The following NRG1 variants were observed in gnomAD, a reference collection of about 807,000 sequenced individuals.
NRG1 encodes the protein pro-neuregulin-1, membrane-bound isoform.
A neutral mutation model predicts 63.8 loss-of-function variants in NRG1; 18 were observed. The ratio of observed to expected loss-of-function variants is 0.28; its 90% CI spans 0.19 to 0.42. The LOEUF (loss-of-function observed/expected upper bound fraction) is 0.42, where lower values mean the gene tolerates loss of function less well. NRG1 is among the 10% of genes least tolerant of loss of function. The pLI is 1.00. For missense variants in NRG1, 762 were observed against 814.7 expected (o/e 0.94, Z 0.79); for synonymous variants, 302 against 301.3 (o/e 1.00, Z -0.02).
At chr8:32,375,285 C>G (rs768192531) in intron 1 of NRG1, among the ~76,000 whole-genome samples, 4 of 152,066 alleles carry the variant, frequency 2.6e-5, no homozygotes, top group Non-Finnish European at 4.4e-5. Flanking sequence ...GCCTCATCAG[C>G]ATTTTTAGAC....
chr8:32,359,097 A>G (rs955773144), intron 1 of NRG1, among the ~76,000 whole-genome samples: 3 of 152,112 alleles, frequency 2.0e-5, no homozygotes, highest in Admixed American at 1.3e-4. Context: ...GACAATTACT[A>G]TAATATTTAC....
At chr8:32,438,951 T>G (rs1408307855) in intron 1 of NRG1, among the ~76,000 whole-genome samples, 2 of 152,180 alleles carry the variant, frequency 1.3e-5, no homozygotes, top group Non-Finnish European at 2.9e-5. Flanking sequence ...GATATGTGAT[T>G]TACAAATATT....
intron 1 of NRG1, among the ~76,000 whole-genome samples, chr8:32,394,245 A>G (rs1286362937): frequency 6.6e-6 from 1 of 152,190 alleles, no homozygotes. Flanking sequence ...GAACTATACC[A>G]TGCCCCCATC....
At chr8:32,447,513 A>G (rs2129487857) in intron 1 of NRG1, among the ~76,000 whole-genome samples, 1 of 152,292 alleles carries the variant, frequency 6.6e-6, no homozygotes, top group Admixed American at 6.5e-5. Flanking sequence ...CTAGAATAGC[A>G]AGAGACATGT....
intron 1 of NRG1, among the ~76,000 whole-genome samples, chr8:31,654,607 A>G (rs1282561538): frequency 2.0e-5 from 3 of 152,194 alleles, no homozygotes; most frequent in Admixed American, 6.5e-5. Flanking sequence ...TAAGGGATAT[A>G]TCTCTTCATT....
chr8:32,520,319 G>A (rs1249679149), intron 1 of NRG1, among the ~76,000 whole-genome samples: 1 of 151,082 alleles, frequency 6.6e-6, no homozygotes, highest in Non-Finnish European at 1.5e-5. Context: ...ACCTTGTCCA[G>A]CTACTTTTTT....
At chr8:31,934,611 C>G (rs10216854) in intron 1 of NRG1, among the ~76,000 whole-genome samples, 4 of 151,640 alleles carry the variant, frequency 2.6e-5, no homozygotes, top group Non-Finnish European at 5.9e-5. Flanking sequence ...GGCTTTTGTA[C>G]CTCCAAAATG....
intron 1 of NRG1, among the ~76,000 whole-genome samples, chr8:32,051,689 T>A (rs1315558978): frequency 6.7e-6 from 1 of 149,126 alleles, no homozygotes; most frequent in East Asian, 1.9e-4. Flanking sequence ...AATGCAGTGT[T>A]CAGGAACTAC....
chr8:31,979,668 G>T (rs897083222), intron 1 of NRG1, among the ~76,000 whole-genome samples: 2 of 152,014 alleles, frequency 1.3e-5, no homozygotes, highest in South Asian at 2.1e-4. Context: ...CCCCAAACTA[G>T]ATTTTAAGCA....
At chr8:32,090,384 G>A (rs553669507) in intron 1 of NRG1, among the ~76,000 whole-genome samples, 12 of 152,228 alleles carry the variant, frequency 7.9e-5, no homozygotes, top group African/African-American at 1.7e-4. Flanking sequence ...GCAGTGGTGC[G>A]ACGTTGGCCC....
intron 5 of NRG1, among the ~76,000 whole-genome samples, chr8:32,659,051 G>A (rs188331395): frequency 4.6e-5 from 7 of 152,168 alleles, no homozygotes; most frequent in Non-Finnish European, 7.4e-5. Context: ...GCAGATTTAG[G>A]GGAGCTGAGT....
intron 1 of NRG1, among the ~76,000 whole-genome samples, chr8:32,557,637 A>T (rs1057458080): frequency 6.6e-6 from 1 of 152,228 alleles, no homozygotes; most frequent in South Asian, 2.1e-4. Flanking sequence ...GATGAAATAC[A>T]GAAAATAGAT....
chr8:32,179,196 A>AG (rs1198589323), intron 1 of NRG1, among the ~76,000 whole-genome samples: 32 of 150,574 alleles, frequency 2.1e-4, no homozygotes, highest in African/African-American at 7.8e-4. Flanking sequence ...ATAAAAAAAA[A>AG]AAAAAAAAAA....
At chr8:31,938,970 A>G (rs1225392559) in intron 1 of NRG1, among the ~76,000 whole-genome samples, 1 of 152,214 alleles carries the variant, frequency 6.6e-6, no homozygotes, top group Non-Finnish European at 1.5e-5. Flanking sequence ...AGAGAAATCT[A>G]AAAGTTTGGA....
chr8:32,700,750 T>C (rs1814645853), intron 5 of NRG1, among the ~76,000 whole-genome samples: 1 of 152,238 alleles, frequency 6.6e-6, no homozygotes, highest in African/African-American at 2.4e-5. Context: ...AGATAGTATA[T>C]GTAATTCATG....
In NRG1 at chr8:32,337,682, A is replaced by AAAAAAAAAAAAAAAAAAAT. The variant is rs1554511693; in HGVS notation, c.38-258146_38-258145insAAAAAAAAAAAAAAAAAAT. 3.7e-4 allele frequency among the ~76,000 whole-genome samples: 43 copies of AAAAAAAAAAAAAAAAAAAT among 116,694 alleles called. 3 individuals are homozygous for AAAAAAAAAAAAAAAAAAAT. The highest frequency in any genetic ancestry group is 6.8e-4 in the Non-Finnish European group (36 of 52,590). 76.6% of individuals were successfully genotyped at this position (116,694 alleles called of 152,430 possible). A position where few individuals can be genotyped will look rare whatever the true frequency, so the allele number is the denominator to read the frequency against. ...AAAAAAAAAAAAAAAAAAAAAAAAA[A>AAAAAAAAAAAAAAAAAAAT]GCTGATGCAGTTAGGAAAGGGAAGC... is the stretch of plus-strand genomic sequence containing the variant. On this transcript the variant is annotated intron_variant, in intron 1 of 10. Transcript: ENST00000519301.
At chr8:32,717,442 A>C (rs539899446) in intron 5 of NRG1, among the ~76,000 whole-genome samples, 1 of 152,170 alleles carries the variant, frequency 6.6e-6, no homozygotes, top group Non-Finnish European at 1.5e-5. Flanking sequence ...TAATAACACA[A>C]TGTATTACAG....
At chr8:32,401,813 A>G (rs1254439295) in intron 1 of NRG1, among the ~76,000 whole-genome samples, 1 of 152,120 alleles carries the variant, frequency 6.6e-6, no homozygotes, top group Non-Finnish European at 1.5e-5. Flanking sequence ...TTACAAAATA[A>G]TCTGTACGTC....
At chr8:32,067,727 T>TG (rs1825094175) in intron 1 of NRG1, among the ~76,000 whole-genome samples, 1 of 152,196 alleles carries the variant, frequency 6.6e-6, no homozygotes, top group Admixed American at 6.5e-5. Context: ...ACATTAAACT[T>TG]GGTTTAAAAA....
Sources: allele counts gnomAD v4.1 joint callset (sites outside exome capture counted in the v4.1 genomes callset), GRCh38; gene constraint gnomAD v4.1.1; transcripts MANE v1.5; gene names NCBI Gene and HGNC (gene_info 2026-07-23, HGNC 2026-07-21).